The following PCDHGA3 variants were observed in gnomAD, a reference collection of about 807,000 sequenced individuals.
PCDHGA3 encodes protocadherin gamma-A3.
A neutral mutation model predicts 58.5 loss-of-function variants in PCDHGA3; 40 were observed. That is an observed-to-expected ratio of 0.68 (90% CI 0.53 to 0.89). The LOEUF (loss-of-function observed/expected upper bound fraction) is 0.89. Among genes scored for constraint, PCDHGA3 ranks in the 40% least tolerant of loss-of-function variants. PCDHGA3 has a pLI of 0.00. For synonymous variants in PCDHGA3, 530 were observed against 525.7 expected (o/e 1.01, Z -0.11); for missense variants, 1,223 against 1,195.9 (o/e 1.02, Z -0.33).
chr5:141,507,553 C>T (rs1382652977), intron 3 of PCDHGA3, among the ~76,000 whole-genome samples: 4 of 152,192 alleles, frequency 2.6e-5, no homozygotes, highest in Admixed American at 2.0e-4. Flanking sequence ...ATGAAAGTGG[C>T]AGGCGGCTGG....
chr5:141,433,358 C>CCCATCTAT (rs1554125967), intron 1 of PCDHGA3: 6 of 503,934 alleles, frequency 1.2e-5, no homozygotes, highest in Admixed American at 3.6e-5. Context: ...CTACTGTCTG[C>CCCATCTAT]CTATCTATCT....
In PCDHGA3 at chr5:141,432,357, T is replaced by C. The variant is rs778669079; in HGVS notation, c.2425-62450T>C. 6.2e-7 allele frequency: 1 copy of C among 1,614,244 alleles called. No homozygotes were observed. Among genetic ancestry groups the C allele is most frequent in the African/African-American group, 1.3e-5 (1 of 75,072 alleles). The stretch of plus-strand genomic sequence containing the variant: ...TTCCGAGACTTGCAAGTGAAAGTGA[T>C]GGCGCGGGACAACGGGCACCCGCCC... On this transcript the variant is annotated intron_variant, in intron 1 of 3. Coordinates refer to ENST00000253812, the MANE Select transcript of PCDHGA3 (RefSeq NM_018916.4). This position sits in a 1 kb window ranked among gnomAD's most constrained non-coding sequence, Gnocchi z 6.0.
intron 1 of PCDHGA3, chr5:141,365,202 C>G (rs1763792764): frequency 6.2e-7 from 1 of 1,613,774 alleles, no homozygotes; most frequent in Non-Finnish European, 8.5e-7. Context: ...ATTTCGGAGA[C>G]TTTCCAACTT....
Position 141,400,678 on chromosome 5 carries a change from T to A in PCDHGA3, c.2424+54221T>A. ...ACCATTCTTTAAGAGGAGCAGTAAA[T>A]TGTGAGTTTTTATGTCGCATAAAAG... On this transcript the variant is annotated intron_variant, in intron 1 of 3. Coordinates refer to ENST00000253812, the MANE Select transcript of PCDHGA3 (RefSeq NM_018916.4). 4.5e-6 allele frequency: 4 copies of A among 882,002 alleles called. No homozygotes were observed. In the South Asian group the frequency reaches 6.9e-5, roughly 15 times the overall value. The allele number at this position is 882,002 out of a possible 1,614,324, so 54.6% of individuals were successfully genotyped here.
intron 1 of PCDHGA3, chr5:141,355,809 G>A: frequency 6.2e-7 from 1 of 1,613,206 alleles, no homozygotes; most frequent in South Asian, 1.1e-5. Flanking sequence ...TAGATCGCGA[G>A]GAAGAGGCGG....
rs561392729 is a variant in PCDHGA3, at chr5:141,475,706, G to T, written c.2425-19101G>T. On this transcript the variant is annotated intron_variant, in intron 1 of 3. Transcript: ENST00000253812. ...GGATTGGAGACTTGCAGAACGGCTA[G>T]CCTCACAGCCCCAAGGCTGGCTTTC... Among the ~76,000 whole-genome samples the T allele has an allele frequency of 7.2e-5, 11 of 152,364 alleles. 1 individual carries two copies. In the South Asian group the frequency reaches 2.3e-3, roughly 32 times the overall value.
chr5:141,404,909 CCT>C (rs1243432357), intron 1 of PCDHGA3: 1 of 1,613,798 alleles, frequency 6.2e-7, no homozygotes, highest in Admixed American at 1.7e-5. Flanking sequence ...TGGCCAGCCC[CCT>C]CTCTCGGCCA....
intron 1 of PCDHGA3, among the ~76,000 whole-genome samples, chr5:141,451,107 C>G (rs768308463): frequency 1.2e-4 from 18 of 152,118 alleles, no homozygotes; most frequent in Non-Finnish European, 2.4e-4. Context: ...GGATTACAGG[C>G]GTGAGCCACC....
chr5:141,405,858 T>C (rs2094727577), intron 1 of PCDHGA3, among the ~76,000 whole-genome samples: 1 of 152,200 alleles, frequency 6.6e-6, no homozygotes, highest in Non-Finnish European at 1.5e-5. Flanking sequence ...GTGTTTCTCA[T>C]CACTTTTCAC....
chr5:141,368,908 A>G (rs1325459876), intron 1 of PCDHGA3, among the ~76,000 whole-genome samples: 7 of 152,216 alleles, frequency 4.6e-5, no homozygotes, highest in Admixed American at 3.9e-4. Flanking sequence ...GTTTGTATAA[A>G]GGTGACAATG....
At chr5:141,405,261 T>A (rs1445565178) in intron 1 of PCDHGA3, 1 of 1,613,852 alleles carries the variant, frequency 6.2e-7, no homozygotes, top group South Asian at 1.1e-5. Context: ...CACCTGATCT[T>A]CCCCCAGCCC....
At chr5:141,413,687 T>C (rs1470256826) in intron 1 of PCDHGA3, 1 of 1,613,784 alleles carries the variant, frequency 6.2e-7, no homozygotes, top group South Asian at 1.1e-5. Flanking sequence ...GTGAACTCCC[T>C]GCAGAGCTAT....
At chr5:141,361,241 T>TA in intron 1 of PCDHGA3, 1 of 1,613,960 alleles carries the variant, frequency 6.2e-7, no homozygotes, top group South Asian at 1.1e-5. Context: ...ATCGCCTTGA[T>TA]AAAAACGAGA....
intron 1 of PCDHGA3, chr5:141,352,369 G>A (rs376653934): frequency 5.0e-6 from 8 of 1,614,054 alleles, no homozygotes; most frequent in Non-Finnish European, 5.1e-6. Flanking sequence ...TCCTCGCGGT[G>A]ATTCTAGCGA....
intron 1 of PCDHGA3, chr5:141,478,576 G>T (rs543160289): frequency 5.0e-6 from 8 of 1,585,598 alleles, no homozygotes; most frequent in Non-Finnish European, 6.9e-6. Flanking sequence ...GCTTGACCCT[G>T]TTAGTGCTTT....
chr5:141,432,537 C>T lies in PCDHGA3; in HGVS notation c.2425-62270C>T, dbSNP rs367578838. Reference sequence around the variant, plus strand: ...GGCTACCTGGTGACCAAGGTGGTGGCGGTGGACAGAGACTCCGGCCAGAAC... The same window carrying T: ...GGCTACCTGGTGACCAAGGTGGTGGTGGTGGACAGAGACTCCGGCCAGAAC... On this transcript the variant is annotated intron_variant, in intron 1 of 3. Transcript: ENST00000253812. This position sits in a 1 kb window ranked among gnomAD's most constrained non-coding sequence, Gnocchi z 6.0. The T allele has an allele frequency of 5.6e-6, 9 of 1,613,882 alleles. No homozygotes were observed. The African/African-American group carries it at 6.7e-5, about 12-fold the overall frequency.
intron 1 of PCDHGA3, chr5:141,413,714 A>T: frequency 6.2e-7 from 1 of 1,613,586 alleles, no homozygotes; most frequent in Non-Finnish European, 8.5e-7. Flanking sequence ...AGCCCCAATA[A>T]GCACTTCTCC....
chr5:141,451,914 A>G (rs1387569597), intron 1 of PCDHGA3, among the ~76,000 whole-genome samples: 3 of 152,022 alleles, frequency 2.0e-5, no homozygotes, highest in East Asian at 1.9e-4. Context: ...GGGAGGGAGG[A>G]AGGAAGGGAG....
At chr5:141,483,333 C>G (rs566443186) in intron 1 of PCDHGA3, among the ~76,000 whole-genome samples, 1 of 152,096 alleles carries the variant, frequency 6.6e-6, no homozygotes, top group East Asian at 1.9e-4. Context: ...GCAAAGAGAT[C>G]TTATCTCTTT....
Sources: gnomAD v4.1 joint callset for allele counts (sites outside exome capture counted in the v4.1 genomes callset) on GRCh38, gnomAD v4.1.1 for gene constraint, Gnocchi (gnomAD v3.1) non-coding constraint, MANE v1.5 for transcripts, NCBI Gene and HGNC (gene_info 2026-07-23, HGNC 2026-07-21) for gene names.